Variants in PPARGC1A observed in about 807,000 individuals in gnomAD.
PPARGC1A encodes peroxisome proliferator-activated receptor gamma coactivator 1-alpha.
In PPARGC1A, 25 loss-of-function variants were observed where a neutral mutation model predicts 88.7. The ratio of observed to expected loss-of-function variants is 0.28; its 90% CI spans 0.21 to 0.39. PPARGC1A has a LOEUF of 0.39. Among genes scored for constraint, PPARGC1A ranks in the 10% least tolerant of loss-of-function variants. PPARGC1A has a pLI of 1.00. For missense variants in PPARGC1A, 880 were observed against 968.7 expected (o/e 0.91, Z 1.22); for synonymous variants, 363 against 355.6 (o/e 1.02, Z -0.24).
At chr4:24,441,396 G>A in the PPARGC1A span, among the ~76,000 whole-genome samples, 3 of 152,188 alleles carry the variant, frequency 2.0e-5, no homozygotes, top group African/African-American at 7.2e-5. Flanking sequence ...GTGCTGCTGG[G>A]AGGACATCAG....
chr4:23,861,162 C>T (rs1731169384), intron 2 of PPARGC1A, among the ~76,000 whole-genome samples: 1 of 152,192 alleles, frequency 6.6e-6, no homozygotes, highest in Non-Finnish European at 1.5e-5. Context: ...GTTTAGACAG[C>T]AATAAAACAC....
At chr4:24,120,044 C>A in the PPARGC1A span, among the ~76,000 whole-genome samples, 2 of 152,172 alleles carry the variant, frequency 1.3e-5, no homozygotes, top group African/African-American at 4.8e-5. Context: ...AAGAATCTTA[C>A]AGGCATAAAT....
At chr4:24,218,581 T>A in the PPARGC1A span, among the ~76,000 whole-genome samples, 1 of 152,240 alleles carries the variant, frequency 6.6e-6, no homozygotes, top group South Asian at 2.1e-4. Flanking sequence ...GGCATTCAAA[T>A]GTTGCTTAAA....
intron 2 of PPARGC1A, among the ~76,000 whole-genome samples, chr4:23,852,080 G>T (rs1433736845): frequency 6.6e-6 from 1 of 152,070 alleles, no homozygotes; most frequent in East Asian, 1.9e-4. Flanking sequence ...TCCCCATCAT[G>T]CAGGGCATAA....
chr4:24,404,175 A>G, the PPARGC1A span, among the ~76,000 whole-genome samples: 1 of 152,118 alleles, frequency 6.6e-6, no homozygotes, highest in Non-Finnish European at 1.5e-5. Flanking sequence ...AGGCAGGAGA[A>G]TTGTTTGAAT....
intron 4 of PPARGC1A, 59 bp from the exon 5 acceptor site, chr4:23,828,663 T>C: frequency 1.3e-6 from 2 of 1,497,458 alleles, no homozygotes; most frequent in Non-Finnish European, 1.9e-6. Context: ...TCAGAATGGA[T>C]ATAGGTTTTC....
intron 2 of PPARGC1A, among the ~76,000 whole-genome samples, chr4:23,872,972 C>T (rs1373801317): frequency 2.6e-5 from 4 of 151,770 alleles, no homozygotes; most frequent in East Asian, 3.9e-4. Context: ...GGGCGGATCA[C>T]GAGGTCAGGA....
chr4:24,026,186 C>T, the PPARGC1A span, among the ~76,000 whole-genome samples: 6 of 152,316 alleles, frequency 3.9e-5, no homozygotes, highest in South Asian at 1.2e-3. Context: ...ACCAACTTTT[C>T]CTTACAGTGG....
At chr4:24,374,051 A>ACCT in the PPARGC1A span, among the ~76,000 whole-genome samples, 1 of 152,204 alleles carries the variant, frequency 6.6e-6, no homozygotes, top group South Asian at 2.1e-4. Context: ...AATACATGAA[A>ACCT]CCTCATACAG....
At chr4:24,213,690 C>A in the PPARGC1A span, among the ~76,000 whole-genome samples, 10 of 152,278 alleles carry the variant, frequency 6.6e-5, no homozygotes, top group Admixed American at 1.3e-4. Flanking sequence ...TACACACGTA[C>A]ATGCATATGT....
chr4:24,323,020 T>G, the PPARGC1A span, among the ~76,000 whole-genome samples: 1 of 152,220 alleles, frequency 6.6e-6, no homozygotes, highest in Admixed American at 6.5e-5. Flanking sequence ...ACAATTTTTT[T>G]GAGCATGGGT....
At chr4:24,054,566 A>T in the PPARGC1A span, among the ~76,000 whole-genome samples, 1 of 152,182 alleles carries the variant, frequency 6.6e-6, no homozygotes, top group African/African-American at 2.4e-5. Flanking sequence ...GTGTTTAAAG[A>T]TATCTTTTCG....
the PPARGC1A span, among the ~76,000 whole-genome samples, chr4:24,307,768 G>C: frequency 6.6e-6 from 1 of 152,186 alleles, no homozygotes; most frequent in African/African-American, 2.4e-5. Context: ...CAGAGTCCCA[G>C]CTGACTCTCG....
chr4:24,163,902 A>G, the PPARGC1A span, among the ~76,000 whole-genome samples: 1 of 152,218 alleles, frequency 6.6e-6, no homozygotes, highest in African/African-American at 2.4e-5. Flanking sequence ...GACCATCTCA[A>G]ACTTGAAATT....
chr4:24,005,806 G>T, the PPARGC1A span, among the ~76,000 whole-genome samples: 9 of 152,240 alleles, frequency 5.9e-5, no homozygotes, highest in East Asian at 1.5e-3. Context: ...GCAGAATCAA[G>T]GGAGGAACAT....
the PPARGC1A span, among the ~76,000 whole-genome samples, chr4:23,968,572 C>T: frequency 6.6e-6 from 1 of 152,162 alleles, no homozygotes. Context: ...TACCTTATTT[C>T]TGCAACTGGA....
chr4:24,086,745 A>G, the PPARGC1A span, among the ~76,000 whole-genome samples: 4 of 152,194 alleles, frequency 2.6e-5, no homozygotes, highest in Admixed American at 2.6e-4. Context: ...AGTAGGTAAT[A>G]GATAGATAAT....
the PPARGC1A span, among the ~76,000 whole-genome samples, chr4:24,440,866 GAAATTTCATACACACAC>G: frequency 6.6e-6 from 1 of 151,952 alleles, no homozygotes; most frequent in Non-Finnish European, 1.5e-5. Flanking sequence ...TAAAAATCAG[GAAATTTCATACACACAC>G]AAAATCAAAT....
chr4:24,217,842 T>C, the PPARGC1A span, among the ~76,000 whole-genome samples: 1 of 151,812 alleles, frequency 6.6e-6, no homozygotes. Flanking sequence ...AAAGAAAACA[T>C]GGAAAGGCAG....
Sources: gnomAD v4.1 joint callset for allele counts (sites outside exome capture counted in the v4.1 genomes callset) on GRCh38, gnomAD v4.1.1 for gene constraint, MANE v1.5 for transcripts, NCBI Gene and HGNC (gene_info 2026-07-23, HGNC 2026-07-21) for gene names.